Variants in SAV1 observed in about 807,000 individuals in gnomAD.
The protein encoded by SAV1 is protein salvador homolog 1.
In SAV1, 23 loss-of-function variants were observed where a neutral mutation model predicts 47.3. The ratio of observed to expected loss-of-function variants is 0.49; its 90% CI spans 0.35 to 0.69. The LOEUF (loss-of-function observed/expected upper bound fraction) is 0.69, where lower values mean the gene tolerates loss of function less well. Among genes scored for constraint, SAV1 ranks in the 30% least tolerant of loss-of-function variants. The pLI, the probability that SAV1 is intolerant of heterozygous loss-of-function variation, is 0.01. For missense variants in SAV1, 448 were observed against 457.4 expected, an observed-to-expected ratio of 0.98 and a Z score of 0.19; for synonymous variants, 155 against 159.2, an observed-to-expected ratio of 0.97 and a Z score of 0.20.
intron 3 of SAV1, among the ~76,000 whole-genome samples, chr14:50,644,478 A>G (rs2039703994): frequency 6.6e-6 from 1 of 152,200 alleles, no homozygotes; most frequent in African/African-American, 2.4e-5. Flanking sequence ...ACCTATAACA[A>G]AAACATTCTG....
Position 50,634,283 on chromosome 14 carries a change from C to T in SAV1, c.*900G>A, listed in dbSNP as rs2039613355. On this transcript the variant is annotated 3_prime_UTR_variant, in exon 5 of 5. Coordinates refer to ENST00000324679, the MANE Select transcript of SAV1 (RefSeq NM_021818.4). Reference sequence around the variant, plus strand: ...TCCTGAAAGATTAAAAGGCCCGTCACCCATTCATACCAAAAAATACTTTCT... The same window carrying T: ...TCCTGAAAGATTAAAAGGCCCGTCATCCATTCATACCAAAAAATACTTTCT... 2.9e-6 allele frequency: 1 copy of T among 341,028 alleles called. No homozygotes were observed. Among genetic ancestry groups the T allele is most frequent in the Admixed American group, 3.3e-5 (1 of 30,290 alleles). 21.1% of individuals were successfully genotyped at this position (341,028 alleles called of 1,614,324 possible).
intron 3 of SAV1, among the ~76,000 whole-genome samples, chr14:50,641,545 G>T (rs1407636129): frequency 2.6e-5 from 4 of 152,142 alleles, no homozygotes; most frequent in South Asian, 2.1e-4. Flanking sequence ...AGACCAAAAG[G>T]GGTCTGCACC....
In SAV1 at chr14:50,649,885, ACC is replaced by A. The variant is rs1267709624; in HGVS notation, c.536-4873_536-4872del. ...TGGTCAAAATAAGAAAGACTGGGTG[ACC>A]ATTGAGGTGTGAAGGAGTACCATGC... On this transcript the variant is annotated intron_variant, in intron 2 of 4. Coordinates refer to ENST00000324679, the MANE Select transcript of SAV1 (RefSeq NM_021818.4). Among the ~76,000 whole-genome samples, 3 of 152,328 alleles carry A rather than the reference ACC, an allele frequency of 2.0e-5. No homozygotes were observed. The East Asian group carries it at 5.8e-4, about 29-fold the overall frequency.
chr14:50,643,616 ACT>A (rs923463144), intron 3 of SAV1, among the ~76,000 whole-genome samples: 1 of 152,136 alleles, frequency 6.6e-6, no homozygotes, highest in African/African-American at 2.4e-5. Flanking sequence ...AGAAAAGTAA[ACT>A]CTCAAATCTG....
chr14:50,634,822 C>A lies in SAV1; in HGVS notation c.*361G>T. 2 of 174,686 alleles carry A rather than the reference C, an allele frequency of 1.1e-5. No homozygotes were observed. Among genetic ancestry groups the A allele is most frequent in the Non-Finnish European group, 2.4e-5 (2 of 83,490 alleles). 10.8% of individuals were successfully genotyped at this position (174,686 alleles called of 1,614,324 possible). A position where few individuals can be genotyped will look rare whatever the true frequency, so the allele number is the denominator to read the frequency against. Reference sequence around the variant, plus strand: ...GTAAACTTTTTTTTTAAAAAAATACCGCAGATTCTTTTTTTTTTTTAAAGA... The same window carrying A: ...GTAAACTTTTTTTTTAAAAAAATACAGCAGATTCTTTTTTTTTTTTAAAGA... On this transcript the variant is annotated 3_prime_UTR_variant, in exon 5 of 5. Coordinates refer to ENST00000324679, the MANE Select transcript of SAV1 (RefSeq NM_021818.4).
Position 50,644,726 on chromosome 14 carries a change from A to G in SAV1, c.806+18T>C, listed in dbSNP as rs755041152. ...ACAATCCCGAAACAAAAAGTTGAAA[A>G]TAAAGTTGATACTGTACCTAGGAGC... On this transcript the variant is annotated intron_variant, in intron 3 of 4. Coordinates refer to ENST00000324679, the MANE Select transcript of SAV1 (RefSeq NM_021818.4). 2 of 1,589,350 alleles carry G rather than the reference A, an allele frequency of 1.3e-6. No individual in the cohort carries two copies. The highest frequency in any genetic ancestry group is 1.3e-5 in the African/African-American group (1 of 74,106).
rs1409499583 is a variant in SAV1 at position 50,668,011 on chromosome 14, G to A, written c.-44C>T. ...AGGCCGCGCTGAACTGCCTCCCTAG[G>A]GCTCCGCGCCGGGCGCCGGCCGTCT... On this transcript the variant is annotated 5_prime_UTR_variant, in exon 1 of 5. Transcript: ENST00000324679. 1.1e-4 allele frequency: 153 copies of A among 1,440,120 alleles called. No homozygotes were observed. The highest frequency in any genetic ancestry group is 1.3e-4 in the Non-Finnish European group (146 of 1,083,238). The allele number at this position is 1,440,120 out of a possible 1,614,324, so 89.2% of individuals were successfully genotyped here. A position where few individuals can be genotyped will look rare whatever the true frequency, so the allele number is the denominator to read the frequency against.
At chr14:50,649,566 G>A (rs2039750316) in intron 2 of SAV1, among the ~76,000 whole-genome samples, 1 of 152,132 alleles carries the variant, frequency 6.6e-6, no homozygotes, top group African/African-American at 2.4e-5. Context: ...CTGAAACGAA[G>A]GTGTTTTTTA....
intron 3 of SAV1, among the ~76,000 whole-genome samples, chr14:50,641,160 A>C (rs76897726): frequency 0.011 from 1,724 of 152,330 alleles, 28 homozygotes; most frequent in African/African-American, 0.039. Flanking sequence ...AAATTCCCAC[A>C]AGAAATAGTC....
rs79453158 is a variant in SAV1 at position 50,668,252 on chromosome 14, CGGGCCA to C, written c.-291_-286del. Reference sequence around the variant, plus strand: ...CGCCGTGAGGAAAGCCCAGCGACGCCGGGCCAGGGCCAGGGCCATGGTCCGCCGCGG... The same window carrying C: ...CGCCGTGAGGAAAGCCCAGCGACGCCGGGCCAGGGCCATGGTCCGCCGCGG... On this transcript the variant is annotated 5_prime_UTR_variant, in exon 1 of 5. Transcript: ENST00000324679. The C allele has an allele frequency of 0.74, 134,427 of 182,350 alleles. 50,239 individuals carry two copies. The highest frequency in any genetic ancestry group is 0.8 in the East Asian group (5,669 of 7,088). The allele number at this position is 182,350 out of a possible 1,614,324, so 11.3% of individuals were successfully genotyped here. A position where few individuals can be genotyped will look rare whatever the true frequency, so the allele number is the denominator to read the frequency against.
rs369798386 is a variant in SAV1, at chr14:50,635,152, C to T, written c.*31G>A. Reference sequence around the variant, plus strand: ...TTATCTGTGAAAATATTTTAAAGCTCTTACAAAACTTAAATTTTTAAAAAA... The same window carrying T: ...TTATCTGTGAAAATATTTTAAAGCTTTTACAAAACTTAAATTTTTAAAAAA... On this transcript the variant is annotated 3_prime_UTR_variant, in exon 5 of 5. Transcript: ENST00000324679. 6.4e-7 allele frequency: 1 copy of T among 1,557,796 alleles called. No homozygotes were observed. Among genetic ancestry groups the T allele is most frequent in the Non-Finnish European group, 8.8e-7 (1 of 1,131,654 alleles).
intron 2 of SAV1, among the ~76,000 whole-genome samples, chr14:50,650,506 G>C (rs1455253921): frequency 6.6e-6 from 1 of 152,206 alleles, no homozygotes; most frequent in Non-Finnish European, 1.5e-5. Context: ...TCACACCCTT[G>C]TCTGTGTGAC....
intron 2 of SAV1, among the ~76,000 whole-genome samples, chr14:50,653,340 A>C (rs1240611597): frequency 6.6e-6 from 1 of 152,208 alleles, no homozygotes; most frequent in African/African-American, 2.4e-5. Context: ...CAAACAAAGG[A>C]AAAGATCTAG....
chr14:50,658,737 AACTT>A (rs1385996152), intron 2 of SAV1, among the ~76,000 whole-genome samples: 3 of 152,264 alleles, frequency 2.0e-5, no homozygotes, highest in East Asian at 1.9e-4. Context: ...TCCTCCTACA[AACTT>A]ACTTTCTCCT....
chr14:50,645,088 G>A (rs1035387246), intron 2 of SAV1, 74 bp from the exon 3 acceptor site: 3 of 1,282,554 alleles, frequency 2.3e-6, no homozygotes, highest in African/African-American at 3.0e-5. Flanking sequence ...AGCTAGCAAA[G>A]TCACAACATT....
intron 2 of SAV1, 102 bp from the exon 3 acceptor site, chr14:50,645,116 T>C: frequency 1.0e-6 from 1 of 974,352 alleles, no homozygotes; most frequent in Non-Finnish European, 1.5e-6. Flanking sequence ...CTGATTGTAC[T>C]CTTCTATTTA....
At chr14:50,653,505 GATTACTGCA>G (rs2039787200) in intron 2 of SAV1, among the ~76,000 whole-genome samples, 1 of 152,198 alleles carries the variant, frequency 6.6e-6, no homozygotes. Context: ...TTTGGTTCCA[GATTACTGCA>G]ATAAAGTGAA....
chr14:50,654,890 A>C (rs1677765544), intron 2 of SAV1, among the ~76,000 whole-genome samples: 1 of 152,246 alleles, frequency 6.6e-6, no homozygotes. Context: ...TAGAAAGTAC[A>C]CAACATTATC....
chr14:50,650,229 A>G (rs1258258755), intron 2 of SAV1, among the ~76,000 whole-genome samples: 1 of 152,254 alleles, frequency 6.6e-6, no homozygotes, highest in African/African-American at 2.4e-5. Flanking sequence ...CACTGCAGCA[A>G]CATCTATAGT....
Sources: gnomAD v4.1 joint callset for allele counts (sites outside exome capture counted in the v4.1 genomes callset) on GRCh38, gnomAD v4.1.1 for gene constraint, MANE v1.5 for transcripts, NCBI Gene and HGNC (gene_info 2026-07-23, HGNC 2026-07-21) for gene names.